Variants in RIMS2 observed in about 807,000 individuals in gnomAD.
The protein encoded by RIMS2 is regulating synaptic membrane exocytosis protein 2.
Under a neutral mutation model 174.4 loss-of-function variants are expected in RIMS2, and 59 were observed. The observed-to-expected ratio is 0.34, with a 90% CI of 0.27 to 0.42. The LOEUF (loss-of-function observed/expected upper bound fraction) is 0.42, where lower values mean the gene tolerates loss of function less well. Ranked by LOEUF, RIMS2 falls within the 10% of genes least tolerant of loss-of-function variation. The pLI, the probability that RIMS2 is intolerant of heterozygous loss-of-function variation, is 1.00. For synonymous variants in RIMS2, 606 were observed against 572.5 expected, an observed-to-expected ratio of 1.06 and a Z score of -0.84; for missense variants, 1,620 against 1,666.3, an observed-to-expected ratio of 0.97 and a Z score of 0.48.
chr8:103,851,282 G>A (rs2098996454), intron 3 of RIMS2, among the ~76,000 whole-genome samples: 1 of 151,732 alleles, frequency 6.6e-6, no homozygotes, highest in Non-Finnish European at 1.5e-5. Context: ...CTATTGGTAT[G>A]TGGTACTATA....
chr8:104,215,713 T>C (rs957153589), intron 19 of RIMS2, among the ~76,000 whole-genome samples: 4 of 152,220 alleles, frequency 2.6e-5, no homozygotes, highest in African/African-American at 9.6e-5. Context: ...ATGAAGACTT[T>C]GTATGAATTT....
intron 19 of RIMS2, among the ~76,000 whole-genome samples, chr8:104,037,858 A>G (rs1168225774): frequency 6.6e-6 from 1 of 152,130 alleles, no homozygotes; most frequent in Non-Finnish European, 1.5e-5. Flanking sequence ...AGTTCAGTCA[A>G]GGATGGATGC....
At chr8:103,936,013 A>G (rs9692835) in intron 12 of RIMS2, among the ~76,000 whole-genome samples, 1 of 152,198 alleles carries the variant, frequency 6.6e-6, no homozygotes, top group African/African-American at 2.4e-5. Context: ...GTTTTAAAAT[A>G]CCAGATGTAT....
At chr8:103,620,168 A>G (rs2095602897) in intron 1 of RIMS2, among the ~76,000 whole-genome samples, 1 of 152,148 alleles carries the variant, frequency 6.6e-6, no homozygotes. Flanking sequence ...TCCATATTAA[A>G]AGTAGTCAAT....
intron 19 of RIMS2, among the ~76,000 whole-genome samples, chr8:104,022,221 C>A (rs771685172): frequency 6.6e-6 from 1 of 152,036 alleles, no homozygotes; most frequent in South Asian, 2.1e-4. Flanking sequence ...AACTTTATGG[C>A]CTTTGATTGG....
At chr8:103,797,573 A>G (rs1404344914) in intron 3 of RIMS2, among the ~76,000 whole-genome samples, 1 of 152,172 alleles carries the variant, frequency 6.6e-6, no homozygotes, top group Admixed American at 6.5e-5. Flanking sequence ...CCTTAGCCTC[A>G]TTTTGCCCCA....
intron 2 of RIMS2, among the ~76,000 whole-genome samples, chr8:103,754,284 G>T (rs574236467): frequency 6.6e-6 from 1 of 152,178 alleles, no homozygotes; most frequent in Non-Finnish European, 1.5e-5. Context: ...TTGCACTGTG[G>T]TCTGAGCGAC....
At chr8:103,740,979 T>G (rs1419463702) in intron 2 of RIMS2, among the ~76,000 whole-genome samples, 3 of 152,112 alleles carry the variant, frequency 2.0e-5, no homozygotes, top group Non-Finnish European at 4.4e-5. Context: ...TTTATATTTT[T>G]TCAACAAAAT....
chr8:103,586,270 T>G (rs1163062666), intron 1 of RIMS2, among the ~76,000 whole-genome samples: 1 of 152,206 alleles, frequency 6.6e-6, no homozygotes, highest in African/African-American at 2.4e-5. Flanking sequence ...TTACAGAGCA[T>G]TTTATCCAAT....
chr8:104,252,084 G>T (rs562537979), downstream of RIMS2: 4 of 479,000 alleles, frequency 8.4e-6, no homozygotes, highest in Admixed American at 3.6e-5. Flanking sequence ...CTGAAGCCAT[G>T]GATTAATCTC....
intron 1 of RIMS2, among the ~76,000 whole-genome samples, chr8:103,631,811 T>C (rs1038786454): frequency 5.3e-5 from 8 of 152,240 alleles, no homozygotes; most frequent in African/African-American, 1.9e-4. Flanking sequence ...CGTTGAGCAG[T>C]GTTTTGTAAT....
At chr8:104,200,028 C>A (rs2099046395) in intron 19 of RIMS2, among the ~76,000 whole-genome samples, 1 of 152,060 alleles carries the variant, frequency 6.6e-6, no homozygotes, top group African/African-American at 2.4e-5. Flanking sequence ...TCTGAAGGTC[C>A]AGAGGCTAAG....
intron 19 of RIMS2, among the ~76,000 whole-genome samples, chr8:104,078,149 C>CA (rs1038913583): frequency 1.5e-4 from 19 of 129,166 alleles, no homozygotes; most frequent in East Asian, 4.4e-4. Flanking sequence ...CAAAAACAAA[C>CA]AAAAAAAACA....
intron 2 of RIMS2, among the ~76,000 whole-genome samples, chr8:103,740,936 A>C (rs1229981905): frequency 6.6e-6 from 1 of 152,014 alleles, no homozygotes; most frequent in Non-Finnish European, 1.5e-5. Context: ...CATGTAATAT[A>C]TTTTTTGCTA....
At chr8:104,220,447 C>G (rs1381424442) in intron 19 of RIMS2, among the ~76,000 whole-genome samples, 1 of 152,136 alleles carries the variant, frequency 6.6e-6, no homozygotes, top group Non-Finnish European at 1.5e-5. Flanking sequence ...TCAGGCATAA[C>G]CACTGATTCC....
rs368114721 is a variant in RIMS2, at chr8:103,750,736, C to A, written c.388-15491C>A. 9.1e-4 allele frequency among the ~76,000 whole-genome samples: 138 copies of A among 152,240 alleles called. 2 individuals are homozygous for A. Among genetic ancestry groups the A allele is most frequent in the African/African-American group, 3.2e-3 (132 of 41,512 alleles). On this transcript the variant is annotated intron_variant, in intron 2 of 23. Transcript: ENST00000504942. ...GAGTGACAGGCATTTCCCCTGCTGG[C>A]ACTCATTCTCTCTCCTGCTGCCCTG...
intron 3 of RIMS2, among the ~76,000 whole-genome samples, chr8:103,799,946 C>T (rs1348320683): frequency 6.6e-6 from 1 of 152,152 alleles, no homozygotes; most frequent in Non-Finnish European, 1.5e-5. Flanking sequence ...TTTTACACTT[C>T]TACTACCAGC....
At chr8:103,583,129 CAG>C (rs2093708564) in intron 1 of RIMS2, among the ~76,000 whole-genome samples, 1 of 152,186 alleles carries the variant, frequency 6.6e-6, no homozygotes, top group African/African-American at 2.4e-5. Flanking sequence ...GACAAGAGAA[CAG>C]AGTCTCTGCT....
At chr8:103,543,578 G>GGC (rs1208690569) in intron 1 of RIMS2, among the ~76,000 whole-genome samples, 2 of 151,978 alleles carry the variant, frequency 1.3e-5, no homozygotes, top group African/African-American at 4.8e-5. Flanking sequence ...ACAAAGCTGG[G>GGC]GCATAACAAT....
Sources: gnomAD v4.1 joint callset for allele counts (sites outside exome capture counted in the v4.1 genomes callset) on GRCh38, gnomAD v4.1.1 for gene constraint, MANE v1.5 for transcripts, NCBI Gene and HGNC (gene_info 2026-07-23, HGNC 2026-07-21) for gene names.